The following SFTPA2 variants were observed in gnomAD, a reference collection of about 807,000 sequenced individuals.
SFTPA2 encodes the protein pulmonary surfactant-associated protein A2.
Under a neutral mutation model 20.3 loss-of-function variants are expected in SFTPA2, and 21 were observed. That is an observed-to-expected ratio of 1.03 (90% CI 0.73 to 1.49). SFTPA2 has a LOEUF of 1.49. Among genes scored for constraint, SFTPA2 ranks in the 40% most tolerant of loss-of-function variants. The probability of loss-of-function intolerance (pLI) is 0.00; values close to 1 mark genes in which losing one functional copy is unlikely to be tolerated. For missense variants in SFTPA2, 302 were observed against 314.8 expected, an observed-to-expected ratio of 0.96 and a Z score of 0.31; for synonymous variants, 116 against 118.7, an observed-to-expected ratio of 0.98 and a Z score of 0.15.
chr10:79,560,144 A>G, intron 1 of SFTPA2, 146 bp from the exon 2 acceptor site: 2 of 439,164 alleles, frequency 4.6e-6, no homozygotes, highest in Non-Finnish European at 6.2e-6. Flanking sequence ...GGCCCTGCTG[A>G]GTCCCTGGTA....
Position 79,557,598 on chromosome 10 carries a change from G to C in SFTPA2, c.371-13C>G, listed in dbSNP as rs755092596. On this transcript the variant is annotated splice_polypyrimidine_tract_variant and intron_variant, in intron 5 of 5. Transcript: ENST00000372325. Reference sequence around the variant, plus strand: ...TGCAGACTGAGGGCTGAGAGCAGAGGAGTCCAGGTCAGGCCACTGACCACT... The same window carrying C: ...TGCAGACTGAGGGCTGAGAGCAGAGCAGTCCAGGTCAGGCCACTGACCACT... 1.4e-5 allele frequency: 23 copies of C among 1,589,166 alleles called. No individual in the cohort carries two copies. The African/African-American group carries it at 3.0e-4, about 21-fold the overall frequency.
rs140265028 is a variant in SFTPA2 at position 79,557,292 on chromosome 10, C to A, written c.664G>T (p.Glu222Ter). 9 of 1,614,188 alleles carry A rather than the reference C, an allele frequency of 5.6e-6. No homozygotes were observed. The African/African-American group carries it at 1.1e-4, about 19-fold the overall frequency. ...TCTGTGTACATCTCCACACACTGCT[C>A]TTTTCCCCGACCTGCAGGCTCCCCT... is the stretch of plus-strand genomic sequence containing the variant. ...YRGEPAGRGK[E>*]QCVEMYTDGQ... is the part of the protein sequence containing the mutation. Residue 222 changes from glutamate to a stop codon, truncating the protein, a stop_gained, in exon 6 of 6, where the codon GAG (glutamate) becomes TAG (stop). Transcript: ENST00000372325. LOFTEE classifies it high-confidence loss of function.
Position 79,559,768 on chromosome 10 carries a change from A to G in SFTPA2, c.-24+201T>C, listed in dbSNP as rs17881517. The G allele has an allele frequency of 3.7e-4, 558 of 1,512,470 alleles. 2 individuals are homozygous for G. Among genetic ancestry groups the G allele is most frequent in the African/African-American group, 2.9e-3 (209 of 71,474 alleles). 93.7% of individuals were successfully genotyped at this position (1,512,470 alleles called of 1,614,324 possible). On this transcript the variant is annotated intron_variant, in intron 2 of 5. Coordinates refer to ENST00000372325, the MANE Select transcript of SFTPA2 (RefSeq NM_001098668.4). ...AAGAGTAAGGAGCTCTGGGGAGCCC[A>G]GGGACCTGGGCTCCAGTGCAGTCTC...
At position 79,556,135 on chromosome 10, in the gene SFTPA2, C is replaced by A. The variant is rs1220607619; in HGVS notation, c.*1074G>T. On this transcript the variant is annotated 3_prime_UTR_variant, in exon 6 of 6. Transcript: ENST00000372325. ...AAAGATTTTGTCAAGGTGTGTGGCA[C>A]ATGGTATGTGCTCGGTCAATAGCCT... 6.0e-6 allele frequency: 1 copy of A among 166,878 alleles called. No individual in the cohort carries two copies. The highest frequency in any genetic ancestry group is 1.5e-5 in the Non-Finnish European group (1 of 68,158). The allele number at this position is 166,878 out of a possible 1,614,324, so 10.3% of individuals were successfully genotyped here. A position where few individuals can be genotyped will look rare whatever the true frequency, so the allele number is the denominator to read the frequency against.
intron 3 of SFTPA2, 136 bp from the exon 4 acceptor site, chr10:79,559,141 A>G: frequency 6.3e-7 from 1 of 1,583,246 alleles, no homozygotes; most frequent in Non-Finnish European, 8.7e-7. Flanking sequence ...ACTCTCCAGG[A>G]TGCGCCATCA....
In SFTPA2 at chr10:79,556,605, T is replaced by C. The variant is rs1300369543; in HGVS notation, c.*604A>G. 1.3e-5 allele frequency: 2 copies of C among 159,778 alleles called. No homozygotes were observed. Among genetic ancestry groups the C allele is most frequent in the South Asian group, 1.9e-4 (1 of 5,400 alleles). 9.9% of individuals were successfully genotyped at this position (159,778 alleles called of 1,614,324 possible). A position where few individuals can be genotyped will look rare whatever the true frequency, so the allele number is the denominator to read the frequency against. ...GTACATGTCAGTCACAGGGTTGGCT[T>C]GGGCACCACCGTGCTGGGGCACCAC... On this transcript the variant is annotated 3_prime_UTR_variant, in exon 6 of 6. Transcript: ENST00000372325.
chr10:79,556,054 A>G lies in SFTPA2; in HGVS notation c.*1155T>C, dbSNP rs1388190400. 2 of 159,290 alleles carry G rather than the reference A, an allele frequency of 1.3e-5. No homozygotes were observed. Among genetic ancestry groups the G allele is most frequent in the African/African-American group, 4.8e-5 (2 of 41,456 alleles). The allele number at this position is 159,290 out of a possible 1,614,324, so 9.9% of individuals were successfully genotyped here. The stretch of plus-strand genomic sequence containing the variant: ...TGTCCTTATAAAAAATTGGGTAAAC[A>G]ATACTGGTCCCGTGACATTGTGTAA... On this transcript the variant is annotated 3_prime_UTR_variant, in exon 6 of 6. Coordinates refer to ENST00000372325, the MANE Select transcript of SFTPA2 (RefSeq NM_001098668.4).
chr10:79,560,055 C>G, intron 1 of SFTPA2, 57 bp from the exon 2 acceptor site: 1 of 1,063,066 alleles, frequency 9.4e-7, no homozygotes, highest in Non-Finnish European at 1.1e-6. Context: ...AGGTGATCAT[C>G]GGGGGGTGAT....
chr10:79,559,342 C>T lies in SFTPA2; in HGVS notation c.142G>A (p.Asp48Asn). 2 of 1,613,874 alleles carry T rather than the reference C, an allele frequency of 1.2e-6. No homozygotes were observed. Among genetic ancestry groups the T allele is most frequent in the Non-Finnish European group, 1.7e-6 (2 of 1,179,844 alleles). ...SHGLPGRDGR[D>N]GVKGDPGPPG... Reference sequence around the variant, plus strand: ...GGGCCAGGGTCTCCTTTGACACCATCTCTCCCGTCCCTGCCTGGCAGGCCG... The same window carrying T: ...GGGCCAGGGTCTCCTTTGACACCATTTCTCCCGTCCCTGCCTGGCAGGCCG... Residue 48 changes from aspartate to asparagine, a missense_variant, in exon 3 of 6, where the codon GAT becomes AAT. Physicochemically the swap from Asp to Asn is conservative, Grantham distance 23. Coordinates refer to ENST00000372325, the MANE Select transcript of SFTPA2 (RefSeq NM_001098668.4).
intron 4 of SFTPA2, among the ~76,000 whole-genome samples, chr10:79,558,437 A>G (rs1858939826): frequency 6.6e-6 from 1 of 151,874 alleles, no homozygotes; most frequent in Non-Finnish European, 1.5e-5. Flanking sequence ...ACCCTCCACC[A>G]AGGGCAAGCA....
chr10:79,557,925 C>T (rs1381451396), intron 5 of SFTPA2, 127 bp downstream of exon 5: 1 of 1,463,934 alleles, frequency 6.8e-7, no homozygotes, highest in African/African-American at 1.4e-5. Context: ...GAAAAGCAAG[C>T]ATCATTCCTT....
chr10:79,556,927 A>C lies in SFTPA2; in HGVS notation c.*282T>G. 1.1e-5 allele frequency: 6 copies of C among 534,746 alleles called. No individual in the cohort carries two copies. Among genetic ancestry groups the C allele is most frequent in the Non-Finnish European group, 1.7e-5 (5 of 298,546 alleles). 33.1% of individuals were successfully genotyped at this position (534,746 alleles called of 1,614,324 possible). Reference sequence around the variant, plus strand: ...GTGAAGGAACTGGACCAGATGGGGAATAAGGAGGCCTCCATCTCATGCCAA... The same window carrying C: ...GTGAAGGAACTGGACCAGATGGGGACTAAGGAGGCCTCCATCTCATGCCAA... On this transcript the variant is annotated 3_prime_UTR_variant, in exon 6 of 6. Coordinates refer to ENST00000372325, the MANE Select transcript of SFTPA2 (RefSeq NM_001098668.4).
In SFTPA2 at chr10:79,556,306, T is replaced by C. The variant is rs569915736; in HGVS notation, c.*903A>G. ...ATAAATATCCCCAAGAGTCACCGGG[T>C]ACTGTGCCCACCCCAAGACACATCC... On this transcript the variant is annotated 3_prime_UTR_variant, in exon 6 of 6. Transcript: ENST00000372325. The C allele has an allele frequency of 3.0e-5, 5 of 167,918 alleles. No homozygotes were observed. In the East Asian group the frequency reaches 9.6e-4, roughly 32 times the overall value. 10.4% of individuals were successfully genotyped at this position (167,918 alleles called of 1,614,324 possible). A position where few individuals can be genotyped will look rare whatever the true frequency, so the allele number is the denominator to read the frequency against.
intron 3 of SFTPA2, 79 bp from the exon 4 acceptor site, chr10:79,559,084 T>C (rs1300674287): frequency 1.2e-5 from 19 of 1,613,034 alleles, no homozygotes; most frequent in Non-Finnish European, 1.4e-5. Context: ...ATGCCCATTA[T>C]CACCGGGGCT....
chr10:79,559,715 T>C (rs1859078397), intron 2 of SFTPA2: 3 of 1,549,830 alleles, frequency 1.9e-6, no homozygotes, highest in East Asian at 2.4e-5. Flanking sequence ...CTGGAGGTTG[T>C]GGGGTCTCAA....
At position 79,557,402 on chromosome 10, in the gene SFTPA2, G is replaced by A. The variant is rs1367145553; in HGVS notation, c.554C>T (p.Ala185Val). ...ASFVKKYNTY[A>V]YVGLTEGPSP... ...GGGACCCTCAGTCAGGCCTACATAGGCATATGTGTTGTACTTCTTCACGAA... is the reference window on the plus strand; with the variant it reads ...GGGACCCTCAGTCAGGCCTACATAGACATATGTGTTGTACTTCTTCACGAA... Residue 185 changes from alanine to valine, a missense_variant, in exon 6 of 6, where the codon GCC becomes GTC. By Grantham distance (64) the Ala-to-Val change is moderately conservative. Transcript: ENST00000372325. The A allele has an allele frequency of 6.2e-7, 1 of 1,613,828 alleles. No homozygotes were observed. Among genetic ancestry groups the A allele is most frequent in the East Asian group, 2.2e-5 (1 of 44,896 alleles).
rs200876030 is a variant in SFTPA2 at position 79,558,961 on chromosome 10, T to G, written c.217A>C (p.Asn73His). 1 of 1,613,872 alleles carries G rather than the reference T, an allele frequency of 6.2e-7. No individual in the cohort carries two copies. The highest frequency in any genetic ancestry group is 8.5e-7 in the Non-Finnish European group (1 of 1,179,910). Reference protein sequence around the residue: ...PGETPCPPGNNGLPGAPGVPG... With the variant: ...PGETPCPPGNHGLPGAPGVPG... Reference sequence around the variant, plus strand: ...ACACCAGGGGCTCCAGGCAGCCCATTATTCCCAGGAGGACATGGTGTTTCT... The same window carrying G: ...ACACCAGGGGCTCCAGGCAGCCCATGATTCCCAGGAGGACATGGTGTTTCT... Residue 73 changes from asparagine to histidine, a missense_variant, in exon 4 of 6, where the codon AAT becomes CAT. Asn to His is a moderately conservative substitution (Grantham distance 68). Around this residue, in one of 3 missense-constraint regions of SFTPA2, gnomAD observed 264 missense variants for 261.7 expected, o/e 1.01. Coordinates refer to ENST00000372325, the MANE Select transcript of SFTPA2 (RefSeq NM_001098668.4).
rs1713397 is a variant in SFTPA2 at position 79,558,980 on chromosome 10, T to A, written c.198A>T (p.Thr66=). The change falls in exon 4 of 6, where the codon ACA becomes ACT. Residue 66 remains threonine, a synonymous_variant. Coordinates refer to ENST00000372325, the MANE Select transcript of SFTPA2 (RefSeq NM_001098668.4). The stretch of plus-strand genomic sequence containing the variant: ...GCCCATTATTCCCAGGAGGACATGG[T>A]GTTTCTCCAGGCGGACCCATGGGGC... ...PPGPMGPPGE[T]PCPPGNNGLP... 20 of 1,613,910 alleles carry A rather than the reference T, an allele frequency of 1.2e-5. No individual in the cohort carries two copies. Among genetic ancestry groups the A allele is most frequent in the Non-Finnish European group, 1.7e-5 (20 of 1,179,968 alleles).
rs528969568 is a variant in SFTPA2 at position 79,556,175 on chromosome 10, G to C, written c.*1034C>G. The C allele has an allele frequency of 1.8e-5, 3 of 167,660 alleles. No homozygotes were observed. Among genetic ancestry groups the C allele is most frequent in the East Asian group, 1.9e-4 (1 of 5,190 alleles). 10.4% of individuals were successfully genotyped at this position (167,660 alleles called of 1,614,324 possible). The stretch of plus-strand genomic sequence containing the variant: ...GTCAATAGCCTTTGTGTGTAGTAAC[G>C]GCTCTGGTAGTAATTTTGCTAGCTG... On this transcript the variant is annotated 3_prime_UTR_variant, in exon 6 of 6. Coordinates refer to ENST00000372325, the MANE Select transcript of SFTPA2 (RefSeq NM_001098668.4).
Sources: allele counts gnomAD v4.1 joint callset (sites outside exome capture counted in the v4.1 genomes callset), GRCh38; gene constraint gnomAD v4.1.1; regional missense constraint gnomAD v4.1.1; transcripts MANE v1.5; gene names NCBI Gene and HGNC (gene_info 2026-07-23, HGNC 2026-07-21).